Variants in SCARA5 observed in about 807,000 individuals in gnomAD.
SCARA5 encodes scavenger receptor class A, member 5 (putative).
Under a neutral mutation model 46.3 loss-of-function variants are expected in SCARA5, and 45 were observed. The ratio of observed to expected loss-of-function variants is 0.97; its 90% CI spans 0.76 to 1.24. SCARA5 has a LOEUF of 1.24. Ranked by LOEUF, SCARA5 falls within the 50% of genes most tolerant of loss-of-function variation. The pLI is 0.00. For synonymous variants in SCARA5, 333 were observed against 306.5 expected, an observed-to-expected ratio of 1.09 and a Z score of -0.90; for missense variants, 680 against 689.0, an observed-to-expected ratio of 0.99 and a Z score of 0.15.
At chr8:27,919,562 C>T (rs1359027985) in intron 4 of SCARA5, among the ~76,000 whole-genome samples, 1 of 152,112 alleles carries the variant, frequency 6.6e-6, no homozygotes, top group African/African-American at 2.4e-5. Flanking sequence ...CCTTAACACT[C>T]CCCTGACATT....
chr8:27,983,962 C>A (rs1808661965), intron 2 of SCARA5, among the ~76,000 whole-genome samples: 6 of 152,204 alleles, frequency 3.9e-5, no homozygotes, highest in Admixed American at 3.9e-4. Context: ...AGGAGGAAGA[C>A]CTGTAAGGGA....
Position 27,871,663 on chromosome 8 carries a change from C to T in SCARA5, c.*271G>A. 7.5e-7 allele frequency: 1 copy of T among 1,341,642 alleles called. No individual in the cohort carries two copies. The highest frequency in any genetic ancestry group is 9.6e-7 in the Non-Finnish European group (1 of 1,042,914). 83.1% of individuals were successfully genotyped at this position (1,341,642 alleles called of 1,614,324 possible). A position where few individuals can be genotyped will look rare whatever the true frequency, so the allele number is the denominator to read the frequency against. On this transcript the variant is annotated 3_prime_UTR_variant, in exon 9 of 9. Coordinates refer to ENST00000354914, the MANE Select transcript of SCARA5 (RefSeq NM_173833.6). ...TGGTGCATGGTGTTCAGAGGCTGGG[C>T]AAAGTGGTGATCCAGTTGATCAGGG... is the stretch of plus-strand genomic sequence containing the variant.
chr8:27,890,897 T>C (rs905513329), intron 7 of SCARA5, among the ~76,000 whole-genome samples: 1 of 152,226 alleles, frequency 6.6e-6, no homozygotes, highest in African/African-American at 2.4e-5. Context: ...TGCAAAATGC[T>C]GCGAGGCAGT....
chr8:27,872,084 G>A lies in SCARA5; in HGVS notation c.1352-14C>T. On this transcript the variant is annotated splice_polypyrimidine_tract_variant and intron_variant, in intron 8 of 8. Transcript: ENST00000354914. Reference sequence around the variant, plus strand: ...TCCTCCCAGTGCCTGTGGAGACAGGGAAACACAGCTATAAGCGGATACACA... The same window carrying A: ...TCCTCCCAGTGCCTGTGGAGACAGGAAAACACAGCTATAAGCGGATACACA... 1 of 1,614,094 alleles carries A rather than the reference G, an allele frequency of 6.2e-7. No individual in the cohort carries two copies. The highest frequency in any genetic ancestry group is 1.1e-5 in the South Asian group (1 of 91,082).
chr8:27,956,681 T>C, intron 3 of SCARA5, among the ~76,000 whole-genome samples: 1 of 152,258 alleles, frequency 6.6e-6, no homozygotes, highest in East Asian at 1.9e-4. Context: ...TGCCCTGTGC[T>C]TGATAGCATA....
At chr8:27,924,807 A>G (rs1218763933) in intron 3 of SCARA5, among the ~76,000 whole-genome samples, 1 of 152,232 alleles carries the variant, frequency 6.6e-6, no homozygotes, top group Non-Finnish European at 1.5e-5. Context: ...TACAAAATCA[A>G]TGCGCAAAAA....
intron 8 of SCARA5, among the ~76,000 whole-genome samples, chr8:27,873,489 A>G (rs941722747): frequency 2.6e-5 from 4 of 152,060 alleles, no homozygotes; most frequent in African/African-American, 9.7e-5. Context: ...TGATGACATT[A>G]CCTTGTGAAA....
intron 5 of SCARA5, 88 bp from the exon 6 acceptor site, chr8:27,907,334 C>G (rs1295900050): frequency 7.1e-6 from 6 of 845,452 alleles, no homozygotes; most frequent in Non-Finnish European, 1.1e-5. Flanking sequence ...GGCTCAGCCT[C>G]CCCCATGCAT....
chr8:27,983,078 C>T (rs1808648451), intron 2 of SCARA5, among the ~76,000 whole-genome samples: 1 of 152,208 alleles, frequency 6.6e-6, no homozygotes, highest in Admixed American at 6.5e-5. Context: ...GCTTTTCCTG[C>T]TCTCACCTCT....
At chr8:27,902,445 C>T (rs752185084) in intron 7 of SCARA5, among the ~76,000 whole-genome samples, 2 of 152,176 alleles carry the variant, frequency 1.3e-5, no homozygotes, top group Non-Finnish European at 2.9e-5. Context: ...CCCACAGGAG[C>T]AAGGTGAATA....
chr8:27,990,281 C>T (rs1808769595), intron 1 of SCARA5, among the ~76,000 whole-genome samples: 1 of 152,170 alleles, frequency 6.6e-6, no homozygotes, highest in Non-Finnish European at 1.5e-5. Context: ...GACAACTCTA[C>T]TCATGTTTGT....
Position 27,921,652 on chromosome 8 carries a change from T to C in SCARA5, c.835A>G (p.Met279Val), listed in dbSNP as rs1807588304. The C allele has an allele frequency of 5.0e-6, 8 of 1,608,852 alleles. No homozygotes were observed. The highest frequency in any genetic ancestry group is 1.7e-4 in the Middle Eastern group (1 of 5,984). The change falls in exon 4 of 9, where the codon ATG becomes GTG. Residue 279 changes from methionine (M) to valine (V), a missense_variant. By Grantham distance (21) the Met-to-Val change is conservative. Coordinates refer to ENST00000354914, the MANE Select transcript of SCARA5 (RefSeq NM_173833.6). Reference protein sequence around the residue: ...MELQLKQELAMLNAVTEDLRL... With the variant: ...MELQLKQELAVLNAVTEDLRL... ...AGGTCCTCGGTGACCGCGTTGAGCATGGCCAGCTCCTGCTTCAGCTGCAGC... is the reference window on the plus strand; with the variant it reads ...AGGTCCTCGGTGACCGCGTTGAGCACGGCCAGCTCCTGCTTCAGCTGCAGC...
At chr8:27,897,351 G>A (rs1348026508) in intron 7 of SCARA5, among the ~76,000 whole-genome samples, 2 of 152,194 alleles carry the variant, frequency 1.3e-5, no homozygotes, top group Non-Finnish European at 2.9e-5. Context: ...CGGAGATTAA[G>A]GACGATTCCC....
rs190977063 is a variant in SCARA5, at chr8:27,893,879, C to T, written c.1153+10899G>A. Among the ~76,000 whole-genome samples, 617 of 152,342 alleles carry T rather than the reference C, an allele frequency of 4.1e-3. 8 individuals carry two copies. The highest frequency in any genetic ancestry group is 0.014 in the African/African-American group (586 of 41,578). ...AGTGGTTTTATTACTCCGCCCCCAGCGGGTTTAGGAGGACTGTGTAGTGGC... is the reference window on the plus strand; with the variant it reads ...AGTGGTTTTATTACTCCGCCCCCAGTGGGTTTAGGAGGACTGTGTAGTGGC... On this transcript the variant is annotated intron_variant, in intron 7 of 8. Transcript: ENST00000354914.
intron 3 of SCARA5, among the ~76,000 whole-genome samples, chr8:27,944,704 A>AG (rs1344847494): frequency 6.3e-4 from 22 of 35,136 alleles, no homozygotes; most frequent in African/African-American, 1.5e-3. Context: ...TTGTAAAAAT[A>AG]GAAAAAAAAA....
intron 7 of SCARA5, among the ~76,000 whole-genome samples, chr8:27,899,339 AG>A (rs1368409620): frequency 1.3e-5 from 2 of 152,176 alleles, no homozygotes; most frequent in Non-Finnish European, 2.9e-5. Context: ...GGGAGTGAGC[AG>A]GGGAAATGAA....
rs1439312853 is a variant in SCARA5 at position 27,992,634 on chromosome 8, T to G, written c.-393A>C. The stretch of plus-strand genomic sequence containing the variant: ...ACCGGCAGCTCCTCTAGGTACTGCC[T>G]GAGATGCGAACTGCAGCTGCTCTCG... On this transcript the variant is annotated 5_prime_UTR_variant, in exon 1 of 9. Coordinates refer to ENST00000354914, the MANE Select transcript of SCARA5 (RefSeq NM_173833.6). 6.6e-6 allele frequency: 1 copy of G among 152,288 alleles called. No individual in the cohort carries two copies. Among genetic ancestry groups the G allele is most frequent in the Non-Finnish European group, 1.5e-5 (1 of 68,096 alleles). The allele number at this position is 152,288 out of a possible 1,614,324, so 9.4% of individuals were successfully genotyped here. A position where few individuals can be genotyped will look rare whatever the true frequency, so the allele number is the denominator to read the frequency against.
chr8:27,959,312 C>T (rs1443552368), intron 3 of SCARA5, among the ~76,000 whole-genome samples: 1 of 152,160 alleles, frequency 6.6e-6, no homozygotes, highest in Non-Finnish European at 1.5e-5. Flanking sequence ...TGGCACACTC[C>T]CCCCTGGCTA....
chr8:27,921,475 G>A, intron 4 of SCARA5, 96 bp downstream of exon 4: 2 of 1,048,940 alleles, frequency 1.9e-6, no homozygotes, highest in Non-Finnish European at 1.3e-6. Context: ...GGATGGGGTG[G>A]GGCTGGGGTA....
Sources: gnomAD v4.1 joint callset for allele counts (sites outside exome capture counted in the v4.1 genomes callset) on GRCh38, gnomAD v4.1.1 for gene constraint, MANE v1.5 for transcripts, NCBI Gene and HGNC (gene_info 2026-07-23, HGNC 2026-07-21) for gene names.